GALNTL5: variants seen among roughly 807,000 people sequenced by gnomAD.
The protein encoded by GALNTL5 is polypeptide N-acetylgalactosaminyltransferase like 5.
In GALNTL5, 44 loss-of-function variants were observed where a neutral mutation model predicts 51.0. That is an observed-to-expected ratio of 0.86 (90% CI 0.68 to 1.11). The LOEUF (loss-of-function observed/expected upper bound fraction) is 1.11. Ranked by LOEUF, GALNTL5 falls within the 50% of genes least tolerant of loss-of-function variation. The pLI is 0.00. For missense variants in GALNTL5, 528 were observed against 531.8 expected (o/e 0.99, Z 0.07); for synonymous variants, 192 against 182.8 (o/e 1.05, Z -0.41).
At position 151,983,184 on chromosome 7, in the gene GALNTL5, T is replaced by G. The variant is rs770477529; in HGVS notation, c.535+32T>G. The G allele has an allele frequency of 4.4e-6, 5 of 1,125,094 alleles. No individual in the cohort carries two copies. In the South Asian group the frequency reaches 9.5e-5, roughly 21 times the overall value. 69.7% of individuals were successfully genotyped at this position (1,125,094 alleles called of 1,614,324 possible). A position where few individuals can be genotyped will look rare whatever the true frequency, so the allele number is the denominator to read the frequency against. ...TAGAACACTCATTATCTCATCTACT[T>G]TGTTGTTGTTGTTGTTGAGATTTCC... is the stretch of plus-strand genomic sequence containing the variant. On this transcript the variant is annotated intron_variant, in intron 4 of 8. Coordinates refer to ENST00000392800, the MANE Select transcript of GALNTL5 (RefSeq NM_145292.4).
intron 7 of GALNTL5, among the ~76,000 whole-genome samples, chr7:152,010,837 G>A (rs1388736458): frequency 1.3e-5 from 2 of 151,988 alleles, no homozygotes; most frequent in Non-Finnish European, 2.9e-5. Flanking sequence ...CCCTCTAAAA[G>A]GAGAACCTAG....
intron 1 of GALNTL5, chr7:151,957,924 G>T (rs2080945523): frequency 6.6e-6 from 1 of 152,044 alleles, no homozygotes; most frequent in African/African-American, 2.4e-5. Context: ...GAGTATAGGG[G>T]GTGGGTTGGG....
intron 5 of GALNTL5, among the ~76,000 whole-genome samples, chr7:151,992,362 A>C (rs1360905749): frequency 1.3e-5 from 2 of 152,188 alleles, no homozygotes; most frequent in African/African-American, 4.8e-5. Context: ...AAAACAACAG[A>C]AATTCATTTT....
intron 6 of GALNTL5, among the ~76,000 whole-genome samples, chr7:152,006,716 T>G (rs2081648554): frequency 6.6e-6 from 1 of 152,150 alleles, no homozygotes; most frequent in Non-Finnish European, 1.5e-5. Flanking sequence ...AAAACATAGG[T>G]GCTCAATAAA....
At chr7:151,976,733 A>G (rs1334549967) in intron 3 of GALNTL5, among the ~76,000 whole-genome samples, 1 of 152,120 alleles carries the variant, frequency 6.6e-6, no homozygotes, top group Non-Finnish European at 1.5e-5. Flanking sequence ...TAGTGGCACG[A>G]TCTCAGCTCA....
Position 151,967,297 on chromosome 7 carries a change from G to A in GALNTL5, c.51G>A (p.Gly17=). The A allele has an allele frequency of 6.2e-7, 1 of 1,613,950 alleles. No homozygotes were observed. Among genetic ancestry groups the A allele is most frequent in the Non-Finnish European group, 8.5e-7 (1 of 1,179,858 alleles). Residue 17 remains glycine, a synonymous_variant, in exon 2 of 9, where the codon GGG becomes GGA. Coordinates refer to ENST00000392800, the MANE Select transcript of GALNTL5 (RefSeq NM_145292.4). ...TATTCTATGGGTCCTTGACATTTGG[G>A]ATCTGGACAGCTCTGTTATTCATAT... The part of the protein sequence containing the change: ...QGLFYGSLTF[G]IWTALLFIYL...
At chr7:151,986,502 G>T (rs1198265189) in intron 4 of GALNTL5, among the ~76,000 whole-genome samples, 4 of 151,924 alleles carry the variant, frequency 2.6e-5, no homozygotes, top group Admixed American at 6.6e-5. Context: ...AGGTGTTGTG[G>T]TGCATACCTG....
intron 6 of GALNTL5, among the ~76,000 whole-genome samples, chr7:152,007,514 G>A (rs1424164170): frequency 6.7e-6 from 1 of 149,818 alleles, no homozygotes; most frequent in Non-Finnish European, 1.5e-5. Context: ...TGCCTCCCAG[G>A]TACAAGCGAT....
At chr7:151,960,756 A>C (rs1435176856) in intron 1 of GALNTL5, 1 of 152,266 alleles carries the variant, frequency 6.6e-6, no homozygotes, top group Non-Finnish European at 1.5e-5. Context: ...TGCCTCGGTC[A>C]TGAGCTGTGA....
chr7:152,000,517 C>G (rs1001491979), intron 5 of GALNTL5, among the ~76,000 whole-genome samples: 1 of 152,182 alleles, frequency 6.6e-6, no homozygotes, highest in Non-Finnish European at 1.5e-5. Context: ...CTCCTCCCCT[C>G]CCACCCATCA....
At chr7:152,000,113 C>T (rs567608425) in intron 5 of GALNTL5, among the ~76,000 whole-genome samples, 31 of 152,108 alleles carry the variant, frequency 2.0e-4, no homozygotes, top group East Asian at 1.4e-3. Flanking sequence ...AGTTTTCTGC[C>T]GAAAATCAAA....
chr7:151,978,891 C>G lies in GALNTL5; in HGVS notation c.369-4095C>G, dbSNP rs139506417. On this transcript the variant is annotated intron_variant, in intron 3 of 8. Coordinates refer to ENST00000392800, the MANE Select transcript of GALNTL5 (RefSeq NM_145292.4). ...CTAATGAGCTCACCTTACTAATTAT[C>G]TCTACAACAGCTCTTTTTCCAAATA... Among the ~76,000 whole-genome samples the G allele has an allele frequency of 1.9e-4, 29 of 152,254 alleles. No homozygotes were observed. In the East Asian group the frequency reaches 4.6e-3, roughly 24 times the overall value.
chr7:151,992,739 C>G (rs59504442), intron 5 of GALNTL5, among the ~76,000 whole-genome samples: 1 of 152,142 alleles, frequency 6.6e-6, no homozygotes, highest in East Asian at 1.9e-4. Context: ...CACAGTTCAA[C>G]CCGTAGCACT....
intron 5 of GALNTL5, among the ~76,000 whole-genome samples, chr7:151,991,861 G>T (rs529156634): frequency 1.3e-5 from 2 of 152,172 alleles, no homozygotes; most frequent in Non-Finnish European, 2.9e-5. Context: ...AGAGATGATA[G>T]ATTAAAATGG....
At chr7:152,019,162 C>T (rs780539563) in intron 8 of GALNTL5, among the ~76,000 whole-genome samples, 52 of 152,198 alleles carry the variant, frequency 3.4e-4, no homozygotes, top group Admixed American at 1.3e-3. Flanking sequence ...ACAAGCACTT[C>T]GCAAGGGGAA....
At chr7:151,977,367 T>C (rs1544030) in intron 3 of GALNTL5, among the ~76,000 whole-genome samples, 62,771 of 151,912 alleles carry the variant, frequency 0.41, 13,184 homozygotes, top group Middle Eastern at 0.49. Flanking sequence ...AGCCATATTT[T>C]ATTATTTTTA....
chr7:151,983,607 C>T (rs2081324821), intron 4 of GALNTL5, among the ~76,000 whole-genome samples: 1 of 152,164 alleles, frequency 6.6e-6, no homozygotes, highest in African/African-American at 2.4e-5. Flanking sequence ...CATGTGAGAC[C>T]TGGGCCCTGT....
intron 3 of GALNTL5, among the ~76,000 whole-genome samples, chr7:151,978,812 G>A (rs1248975820): frequency 6.6e-6 from 1 of 152,024 alleles, no homozygotes; most frequent in East Asian, 1.9e-4. Context: ...CTGTCTCTGG[G>A]TTCAAATTTC....
chr7:151,995,916 T>TAGGTCAC (rs2081493892), intron 5 of GALNTL5, among the ~76,000 whole-genome samples: 1 of 152,212 alleles, frequency 6.6e-6, no homozygotes, highest in Non-Finnish European at 1.5e-5. Context: ...AGACTGGCTC[T>TAGGTCAC]AGGTCACGTT....
Sources: gnomAD v4.1 joint callset for allele counts (sites outside exome capture counted in the v4.1 genomes callset) on GRCh38, gnomAD v4.1.1 for gene constraint, MANE v1.5 for transcripts, NCBI Gene and HGNC (gene_info 2026-07-23, HGNC 2026-07-21) for gene names.